Variants in KIF17 observed in about 807,000 individuals in gnomAD.
The protein encoded by KIF17 is kinesin-like protein KIF17.
In KIF17, 80 loss-of-function variants were observed where a neutral mutation model predicts 96.8. The observed-to-expected ratio is 0.83, with a 90% CI of 0.69 to 1.00. KIF17 has a LOEUF of 1.00. KIF17 is among the 50% of genes least tolerant of loss of function. The pLI is 0.00. For synonymous variants in KIF17, 567 were observed against 587.5 expected (o/e 0.97, Z 0.51); for missense variants, 1,280 against 1,372.9 (o/e 0.93, Z 1.07).
rs372978316 is a variant in KIF17 at position 20,687,796 on chromosome 1, G to A, written c.1530C>T (p.Asp510=). The A allele has an allele frequency of 1.6e-5, 26 of 1,614,064 alleles. No homozygotes were observed. The highest frequency in any genetic ancestry group is 1.3e-4 in the East Asian group (6 of 44,884). Residue 510 remains aspartate, a synonymous_variant, in exon 8 of 15, where the codon GAC becomes GAT. Transcript: ENST00000400463. This position sits in a 1 kb window ranked among gnomAD's most constrained non-coding sequence, Gnocchi z 4.4. The part of the protein sequence containing the change: ...VFSTTDTLPS[D]DVSKTQVSSR... ...AGGAAACCTGAGTCTTGGAGACATCGTCACTGGGCAGAGTGTCAGTCGTGG... is the reference window on the plus strand; with the variant it reads ...AGGAAACCTGAGTCTTGGAGACATCATCACTGGGCAGAGTGTCAGTCGTGG...
At chr1:20,671,561 C>T (rs1309052403) in intron 12 of KIF17, among the ~76,000 whole-genome samples, 1 of 152,086 alleles carries the variant, frequency 6.6e-6, no homozygotes, top group Admixed American at 6.6e-5. Context: ...TCTCGAACTC[C>T]TGGACTCAAG....
Position 20,684,852 on chromosome 1 carries a change from C to T in KIF17, c.2188G>A (p.Asp730Asn). Residue 730 changes from aspartate to asparagine, a missense_variant, in exon 10 of 15, where the codon GAT (aspartate) becomes AAT (asparagine). Transcript: ENST00000400463. ...TGGTCCACAACGGGCAGCGGGTCAT[C>T]AGTCAGCACTGCCACCTCCATGCCC... ...SVGMEVAVLT[D>N]DPLPVVDQQQ... 1 of 1,596,356 alleles carries T rather than the reference C, an allele frequency of 6.3e-7. No homozygotes were observed. Among genetic ancestry groups the T allele is most frequent in the South Asian group, 1.1e-5 (1 of 88,172 alleles).
chr1:20,686,213 C>T (rs909557264), intron 8 of KIF17, 87 bp from the exon 9 acceptor site: 1 of 1,116,934 alleles, frequency 9.0e-7, no homozygotes, highest in Non-Finnish European at 1.3e-6. Context: ...CTCACTTCAA[C>T]TCCCCAAGGC....
chr1:20,666,976 C>T (rs937245080), intron 13 of KIF17, among the ~76,000 whole-genome samples: 7 of 152,174 alleles, frequency 4.6e-5, no homozygotes, highest in African/African-American at 1.7e-4. Flanking sequence ...CCACATCCTC[C>T]TAAACACAGT....
intron 4 of KIF17, among the ~76,000 whole-genome samples, chr1:20,705,655 A>G (rs1238536092): frequency 6.6e-6 from 1 of 152,048 alleles, no homozygotes; most frequent in Non-Finnish European, 1.5e-5. Context: ...TTAAAGACAG[A>G]GCCTAGGCCA....
chr1:20,684,719 G>T (rs2053902284), intron 10 of KIF17, 90 bp downstream of exon 10: 4 of 1,301,844 alleles, frequency 3.1e-6, no homozygotes, highest in Admixed American at 2.0e-5. Flanking sequence ...AGAGCTGGGA[G>T]GAAGCTATGG....
intron 13 of KIF17, among the ~76,000 whole-genome samples, chr1:20,668,043 G>GCT (rs2053558946): frequency 6.6e-6 from 1 of 151,452 alleles, no homozygotes; most frequent in Non-Finnish European, 1.5e-5. Context: ...GGGCGCGGTG[G>GCT]CTCATGCCTG....
intron 10 of KIF17, among the ~76,000 whole-genome samples, 153 bp downstream of exon 10, chr1:20,684,656 G>C (rs1232214822): frequency 6.6e-6 from 1 of 152,224 alleles, no homozygotes; most frequent in East Asian, 1.9e-4. Flanking sequence ...TGCCCGCCTA[G>C]TCCCCACTGC....
chr1:20,704,479 A>C lies in KIF17; in HGVS notation c.1091T>G (p.Leu364Arg). ...QEEIKKLKAI[L>R]TQQMSPSSLS... ...GCTGCTGGGGCTCATCTGCTGTGTC[A>C]GGATGGCCTTGAGCTTCTTGATCTC... is the stretch of plus-strand genomic sequence containing the variant. The change falls in exon 5 of 15, where the codon CTG (leucine) becomes CGG (arginine). Residue 364 changes from leucine to arginine, a missense_variant. Physicochemically the swap from Leu to Arg is moderately radical, Grantham distance 102. Transcript: ENST00000400463. The surrounding 1 kb of genome is among the most constrained non-coding windows in gnomAD (Gnocchi z 6.8). 4 of 1,614,186 alleles carry C rather than the reference A, an allele frequency of 2.5e-6. No individual in the cohort carries two copies. Among genetic ancestry groups the C allele is most frequent in the Non-Finnish European group, 3.4e-6 (4 of 1,180,004 alleles).
chr1:20,691,549 GT>G (rs998582955), intron 6 of KIF17, among the ~76,000 whole-genome samples: 19 of 151,294 alleles, frequency 1.3e-4, no homozygotes, highest in Non-Finnish European at 2.7e-4. Flanking sequence ...CAACTCCCAG[GT>G]TCAAGCGATT....
chr1:20,662,704 C>G (rs1438218901), downstream of KIF17, among the ~76,000 whole-genome samples: 1 of 152,228 alleles, frequency 6.6e-6, no homozygotes, highest in Non-Finnish European at 1.5e-5. Flanking sequence ...CTACACTCAT[C>G]TCAGCAGCCT....
chr1:20,701,606 A>G (rs2154537010), intron 5 of KIF17, among the ~76,000 whole-genome samples: 1 of 152,232 alleles, frequency 6.6e-6, no homozygotes, highest in Middle Eastern at 3.4e-3. Context: ...GAGGCCAGGG[A>G]GCAGGGACGA....
intron 10 of KIF17, among the ~76,000 whole-genome samples, chr1:20,683,874 C>T (rs1022628234): frequency 6.6e-6 from 1 of 151,602 alleles, no homozygotes; most frequent in Non-Finnish European, 1.5e-5. Context: ...GGATGCCACC[C>T]CTGCAGCAAA....
intron 1 of KIF17, among the ~76,000 whole-genome samples, chr1:20,715,881 A>G (rs763965827): frequency 1.4e-4 from 21 of 152,244 alleles, no homozygotes; most frequent in Non-Finnish European, 2.6e-4. Context: ...CCCTGGGCTC[A>G]CATCCATCTC....
In KIF17 at chr1:20,684,957, A is replaced by G; in HGVS notation, c.2083T>C (p.Leu695=). The G allele has an allele frequency of 6.2e-7, 1 of 1,604,978 alleles. No individual in the cohort carries two copies. The highest frequency in any genetic ancestry group is 1.7e-5 in the Admixed American group (1 of 58,744). ...VVRTAEPGVW[L]EAQAPVALVA... ...AGGGCCACCGGGGCCTGAGCCTCCA[A>G]CCACACGCCAGGCTCTGCTGTCCGC... The change falls in exon 10 of 15, where the codon TTG becomes CTG. Residue 695 remains leucine, a synonymous_variant. Coordinates refer to ENST00000400463, the MANE Select transcript of KIF17 (RefSeq NM_001122819.3).
chr1:20,717,244 G>T (rs946408050), intron 1 of KIF17: 2 of 562,826 alleles, frequency 3.6e-6, no homozygotes, highest in Admixed American at 3.2e-5. Flanking sequence ...CAGGAGAATC[G>T]CTTGAACCCG....
rs187047137 is a variant in KIF17, at chr1:20,711,810, G to A, written c.480+1644C>T. On this transcript the variant is annotated intron_variant, in intron 3 of 14. Coordinates refer to ENST00000400463, the MANE Select transcript of KIF17 (RefSeq NM_001122819.3). ...TAAGAGTGTGTGCTGTGGAGCCCCC[G>A]GGTTCAAATCCCATCGCCACTCTTT... 2.7e-3 allele frequency among the ~76,000 whole-genome samples: 411 copies of A among 152,190 alleles called. 4 individuals are homozygous for A. The highest frequency in any genetic ancestry group is 9.5e-3 in the African/African-American group (394 of 41,522).
chr1:20,689,453 C>T (rs1477440619), intron 7 of KIF17, among the ~76,000 whole-genome samples: 1 of 152,150 alleles, frequency 6.6e-6, no homozygotes, highest in Non-Finnish European at 1.5e-5. Context: ...GAGTTCGAGA[C>T]CAGCCTGGCC....
chr1:20,669,194 G>A (rs1490199894), intron 13 of KIF17, among the ~76,000 whole-genome samples: 1 of 152,104 alleles, frequency 6.6e-6, no homozygotes, highest in East Asian at 1.9e-4. Context: ...GGTGGCTGCT[G>A]GGGACAGTAG....
Sources: gnomAD v4.1 joint callset for allele counts (sites outside exome capture counted in the v4.1 genomes callset) on GRCh38, gnomAD v4.1.1 for gene constraint, Gnocchi (gnomAD v3.1) non-coding constraint, MANE v1.5 for transcripts, NCBI Gene and HGNC (gene_info 2026-07-23, HGNC 2026-07-21) for gene names.